SGCZ: variants seen among roughly 807,000 people sequenced by gnomAD.
The protein encoded by SGCZ is zeta-sarcoglycan.
Under a neutral mutation model 41.3 loss-of-function variants are expected in SGCZ, and 40 were observed. The ratio of observed to expected loss-of-function variants is 0.97; its 90% confidence interval spans 0.75 to 1.26. The LOEUF (loss-of-function observed/expected upper bound fraction) is 1.26, where lower values mean the gene tolerates loss of function less well. Ranked by LOEUF, SGCZ falls within the 50% of genes most tolerant of loss-of-function variation. SGCZ has a pLI of 0.00. For missense variants in SGCZ, 552 were observed against 369.8 expected, an observed-to-expected ratio of 1.49 and a Z score of -4.04; for synonymous variants, 206 against 137.5, an observed-to-expected ratio of 1.50 and a Z score of -3.49.
chr8:14,695,603 G>T (rs1330826989), intron 1 of SGCZ, among the ~76,000 whole-genome samples: 1 of 151,962 alleles, frequency 6.6e-6, no homozygotes, highest in Non-Finnish European at 1.5e-5. Context: ...CAGCAACATG[G>T]CTAGAGAGTT....
intron 2 of SGCZ, among the ~76,000 whole-genome samples, chr8:14,523,906 T>G (rs1255970442): frequency 1.3e-5 from 2 of 152,096 alleles, no homozygotes; most frequent in Non-Finnish European, 2.9e-5. Flanking sequence ...TTGCTCAGAT[T>G]AGGTAATTTC....
At chr8:14,396,089 C>T (rs75032023) in intron 2 of SGCZ, among the ~76,000 whole-genome samples, 5,821 of 152,116 alleles carry the variant, frequency 0.038, 345 homozygotes, top group African/African-American at 0.13. Context: ...TTTGCTCCCT[C>T]TTCTTGGCAA....
At chr8:14,139,809 G>T (rs1004333325) in intron 5 of SGCZ, among the ~76,000 whole-genome samples, 6 of 152,162 alleles carry the variant, frequency 3.9e-5, no homozygotes, top group Non-Finnish European at 8.8e-5. Context: ...AATAGAAAAA[G>T]AGGGAATCCT....
At chr8:14,515,206 C>G (rs974647447) in intron 2 of SGCZ, among the ~76,000 whole-genome samples, 9 of 151,980 alleles carry the variant, frequency 5.9e-5, no homozygotes, top group African/African-American at 1.7e-4. Flanking sequence ...AACTTCTAGG[C>G]TACTGACATT....
At chr8:14,546,974 G>A (rs1585067531) in intron 2 of SGCZ, among the ~76,000 whole-genome samples, 1 of 151,710 alleles carries the variant, frequency 6.6e-6, no homozygotes, top group Admixed American at 6.6e-5. Context: ...GCTTTAAAGT[G>A]TTATTGTGAA....
At chr8:14,237,448 C>T (rs546819891) in intron 4 of SGCZ, 144 bp downstream of exon 4, 2 of 714,754 alleles carry the variant, frequency 2.8e-6, no homozygotes, top group South Asian at 3.8e-5. Context: ...TCCCAAAGTG[C>T]ACTCCAGCCT....
intron 1 of SGCZ, among the ~76,000 whole-genome samples, chr8:14,681,984 C>T (rs4831636): frequency 0.65 from 99,417 of 151,916 alleles, 35,176 homozygotes; most frequent in Non-Finnish European, 0.78. Flanking sequence ...CTTTAATATT[C>T]ATAGTAACAG....
At chr8:15,080,324 T>A (rs1805692736) in intron 1 of SGCZ, among the ~76,000 whole-genome samples, 1 of 152,086 alleles carries the variant, frequency 6.6e-6, no homozygotes, top group Non-Finnish European at 1.5e-5. Context: ...CGAAGGACTC[T>A]GTGGGTCAAT....
chr8:14,946,917 G>T (rs566524314), intron 1 of SGCZ, among the ~76,000 whole-genome samples: 1 of 151,776 alleles, frequency 6.6e-6, no homozygotes, highest in African/African-American at 2.4e-5. Flanking sequence ...CTCATGATCC[G>T]CCCGCCTCGG....
At chr8:14,712,549 T>C (rs997555368) in intron 1 of SGCZ, among the ~76,000 whole-genome samples, 11 of 152,076 alleles carry the variant, frequency 7.2e-5, no homozygotes, top group African/African-American at 2.4e-4. Context: ...AGCAAAGTAA[T>C]TCTTTTGGGG....
At chr8:14,237,047 T>C (rs1247273284) in intron 4 of SGCZ, among the ~76,000 whole-genome samples, 1 of 152,088 alleles carries the variant, frequency 6.6e-6, no homozygotes, top group African/African-American at 2.4e-5. Flanking sequence ...TATAAGCAGA[T>C]ACAATTTATT....
chr8:14,705,243 C>G (rs1303712232), intron 1 of SGCZ, among the ~76,000 whole-genome samples: 1 of 151,850 alleles, frequency 6.6e-6, no homozygotes, highest in East Asian at 1.9e-4. Context: ...GGAACATGGA[C>G]TACATGGTGT....
chr8:14,096,176 G>A, intron 7 of SGCZ, among the ~76,000 whole-genome samples: 1 of 152,186 alleles, frequency 6.6e-6, no homozygotes, highest in Non-Finnish European at 1.5e-5. Flanking sequence ...TCCTTGTCTT[G>A]TGCCAGTTTT....
At chr8:14,271,043 G>A (rs912246949) in intron 3 of SGCZ, among the ~76,000 whole-genome samples, 51 of 152,182 alleles carry the variant, frequency 3.4e-4, no homozygotes, top group African/African-American at 9.9e-4. Flanking sequence ...CCTGGGGCCT[G>A]TTGTGAGGTG....
At chr8:14,668,158 C>T (rs941920444) in intron 1 of SGCZ, among the ~76,000 whole-genome samples, 4 of 152,130 alleles carry the variant, frequency 2.6e-5, no homozygotes, top group Non-Finnish European at 5.9e-5. Context: ...GGGGGATTCA[C>T]CATGTTGGCC....
chr8:14,183,740 G>A (rs1296251498), intron 4 of SGCZ, among the ~76,000 whole-genome samples: 4 of 152,034 alleles, frequency 2.6e-5, no homozygotes, highest in South Asian at 2.1e-4. Flanking sequence ...ATATTGAAAG[G>A]TTTCCCTGTA....
At chr8:15,072,983 G>T (rs995264898) in intron 1 of SGCZ, among the ~76,000 whole-genome samples, 4 of 152,144 alleles carry the variant, frequency 2.6e-5, no homozygotes, top group Non-Finnish European at 5.9e-5. Flanking sequence ...ATTTTAGGAA[G>T]CATTAGAGTG....
rs532595158 is a variant in SGCZ, at chr8:14,150,079, A to G, written c.547+14501T>C. 4.6e-5 allele frequency among the ~76,000 whole-genome samples: 7 copies of G among 152,322 alleles called. No individual in the cohort carries two copies. The South Asian group carries it at 1.0e-3, about 23-fold the overall frequency. On this transcript the variant is annotated intron_variant, in intron 5 of 7. Transcript: ENST00000382080. The stretch of plus-strand genomic sequence containing the variant: ...CATAGATCTATGAAACTACTACAAG[A>G]AAACAACGAGTAAACTATCCAAGAC...
At chr8:14,737,779 A>C (rs1329658773) in intron 1 of SGCZ, among the ~76,000 whole-genome samples, 1 of 152,048 alleles carries the variant, frequency 6.6e-6, no homozygotes, top group Non-Finnish European at 1.5e-5. Flanking sequence ...ATTTTAACTT[A>C]ATCATCTCTT....
Sources: allele counts gnomAD v4.1 joint callset (sites outside exome capture counted in the v4.1 genomes callset), GRCh38; gene constraint gnomAD v4.1.1; transcripts MANE v1.5; gene names NCBI Gene and HGNC (gene_info 2026-07-23, HGNC 2026-07-21).